KCNIP4: variants seen among roughly 807,000 people sequenced by gnomAD.
KCNIP4 encodes potassium voltage-gated channel interacting protein 4.
KCNIP4 carries 12 observed loss-of-function variants against 34.0 expected under a neutral mutation model. That is an observed-to-expected ratio of 0.35 (90% CI 0.23 to 0.57). The LOEUF (loss-of-function observed/expected upper bound fraction) is 0.57, where lower values mean the gene tolerates loss of function less well. Ranked by LOEUF, KCNIP4 falls within the 20% of genes least tolerant of loss-of-function variation. KCNIP4 has a pLI of 0.83. For synonymous variants in KCNIP4, 124 were observed against 102.2 expected, an observed-to-expected ratio of 1.21 and a Z score of -1.29; for missense variants, 238 against 311.7, an observed-to-expected ratio of 0.76 and a Z score of 1.78.
chr4:21,322,844 A>T (rs1714643596), intron 1 of KCNIP4, among the ~76,000 whole-genome samples: 2 of 152,268 alleles, frequency 1.3e-5, no homozygotes, highest in South Asian at 2.1e-4. Flanking sequence ...CACTTAAAAG[A>T]TAAGAGAAAT....
At chr4:21,274,430 A>G (rs1762322686) in intron 1 of KCNIP4, among the ~76,000 whole-genome samples, 2 of 152,202 alleles carry the variant, frequency 1.3e-5, no homozygotes, top group South Asian at 4.1e-4. Context: ...ACATTTAACA[A>G]ATTAATTTAG....
chr4:21,694,934 AAATAAATAAAT>A (rs796333579), intron 1 of KCNIP4, among the ~76,000 whole-genome samples: 7 of 108,038 alleles, frequency 6.5e-5, no homozygotes, highest in African/African-American at 2.6e-4. Flanking sequence ...AAAAAAATAA[AAATAAATAAAT>A]AAATAAAGGG....
chr4:20,763,274 A>G (rs1459476431), intron 3 of KCNIP4, among the ~76,000 whole-genome samples: 5 of 152,114 alleles, frequency 3.3e-5, no homozygotes, highest in Admixed American at 3.3e-4. Flanking sequence ...GCTTTTTTGG[A>G]TGAGGGATAG....
At chr4:21,234,317 TATAACA>T (rs1191101254) in intron 1 of KCNIP4, among the ~76,000 whole-genome samples, 2 of 109,768 alleles carry the variant, frequency 1.8e-5, no homozygotes, top group Non-Finnish European at 3.3e-5. Context: ...ATAACATATA[TATAACA>T]TATATAAATT....
chr4:20,949,685 A>G (rs868575901), intron 1 of KCNIP4, among the ~76,000 whole-genome samples: 2 of 152,184 alleles, frequency 1.3e-5, no homozygotes, highest in African/African-American at 2.4e-5. Context: ...GCCATAAAAA[A>G]TGATGAGTTC....
chr4:20,802,231 C>CTA (rs1714389336), intron 3 of KCNIP4, among the ~76,000 whole-genome samples: 6 of 140,558 alleles, frequency 4.3e-5, no homozygotes, highest in Admixed American at 1.4e-4. Flanking sequence ...TATACATATG[C>CTA]TACATATATG....
chr4:21,438,377 A>C (rs948625246), intron 1 of KCNIP4, among the ~76,000 whole-genome samples: 1 of 152,216 alleles, frequency 6.6e-6, no homozygotes, highest in African/African-American at 2.4e-5. Flanking sequence ...GATCTTTTTA[A>C]AACTTAAGCC....
intron 1 of KCNIP4, among the ~76,000 whole-genome samples, chr4:21,078,243 A>T (rs1014206174): frequency 3.3e-5 from 5 of 152,156 alleles, no homozygotes; most frequent in Non-Finnish European, 7.4e-5. Context: ...GTGATCCTTA[A>T]GTATCTAGTT....
In KCNIP4 at chr4:21,108,220, C is replaced by T. The variant is rs573058569; in HGVS notation, c.62-225511G>A. On this transcript the variant is annotated intron_variant, in intron 1 of 8. Transcript: ENST00000382152. ...TTTTCCAACTTGGTTCCATTCTCCCCGTCACTTTCAGGTACACCAATCAGA... is the reference window on the plus strand; with the variant it reads ...TTTTCCAACTTGGTTCCATTCTCCCTGTCACTTTCAGGTACACCAATCAGA... Among the ~76,000 whole-genome samples the T allele has an allele frequency of 1.3e-4, 19 of 149,850 alleles. 1 individual carries two copies. The highest frequency in any genetic ancestry group is 3.0e-4 in the African/African-American group (12 of 39,722).
chr4:21,008,025 G>A (rs1031418946), intron 1 of KCNIP4, among the ~76,000 whole-genome samples: 1 of 152,080 alleles, frequency 6.6e-6, no homozygotes, highest in Admixed American at 6.5e-5. Flanking sequence ...CCCCTGTCTG[G>A]GATGATTAAA....
At chr4:21,325,169 G>A (rs1176029026) in intron 1 of KCNIP4, among the ~76,000 whole-genome samples, 1 of 151,852 alleles carries the variant, frequency 6.6e-6, no homozygotes, top group Non-Finnish European at 1.5e-5. Context: ...AATAGTTTGA[G>A]TAGGACTGGT....
intron 1 of KCNIP4, among the ~76,000 whole-genome samples, chr4:21,257,214 T>C (rs1335554299): frequency 6.6e-6 from 1 of 151,978 alleles, no homozygotes; most frequent in Non-Finnish European, 1.5e-5. Context: ...AAAGCAAGAG[T>C]TCCACTTTTG....
chr4:21,842,016 T>C (rs1258021147), intron 1 of KCNIP4, among the ~76,000 whole-genome samples: 1 of 152,092 alleles, frequency 6.6e-6, no homozygotes, highest in African/African-American at 2.4e-5. Context: ...CCTCAGAAAT[T>C]GATGACAATC....
chr4:21,940,728 C>A (rs1730158131), intron 1 of KCNIP4, among the ~76,000 whole-genome samples: 1 of 152,170 alleles, frequency 6.6e-6, no homozygotes, highest in Admixed American at 6.5e-5. Flanking sequence ...TTCATATATT[C>A]TCGCCTTTCT....
intron 1 of KCNIP4, among the ~76,000 whole-genome samples, chr4:21,100,743 TG>T (rs1239302444): frequency 5.9e-5 from 9 of 152,274 alleles, no homozygotes; most frequent in Middle Eastern, 6.8e-3. Flanking sequence ...GTGTGTACAT[TG>T]TTTTTTTAGA....
intron 1 of KCNIP4, among the ~76,000 whole-genome samples, chr4:20,984,741 CG>C: frequency 6.6e-6 from 1 of 152,192 alleles, no homozygotes; most frequent in Non-Finnish European, 1.5e-5. Flanking sequence ...GAGCAGTACC[CG>C]GTAACAACTA....
At chr4:21,113,482 G>GAAAAAAAAAAAAAAAAAAAAAAA (rs1164913472) in intron 1 of KCNIP4, among the ~76,000 whole-genome samples, 8 of 109,434 alleles carry the variant, frequency 7.3e-5, no homozygotes, top group Non-Finnish European at 1.1e-4. Flanking sequence ...AAAAAAAAAG[G>GAAAAAAAAAAAAAAAAAAAAAAA]AAAGCTATAC....
chr4:20,935,560 C>T (rs1431609155), intron 1 of KCNIP4, among the ~76,000 whole-genome samples: 2 of 152,130 alleles, frequency 1.3e-5, no homozygotes, highest in Non-Finnish European at 2.9e-5. Context: ...TTTTCCACCC[C>T]AATTCTCTAC....
chr4:21,696,508 C>T (rs1412420840), intron 1 of KCNIP4, among the ~76,000 whole-genome samples: 21 of 152,026 alleles, frequency 1.4e-4, no homozygotes, highest in Admixed American at 1.4e-3. Flanking sequence ...TTCTTTATGA[C>T]CAGAATCAAA....
Sources: allele counts gnomAD v4.1 joint callset (sites outside exome capture counted in the v4.1 genomes callset), GRCh38; gene constraint gnomAD v4.1.1; transcripts MANE v1.5; gene names NCBI Gene and HGNC (gene_info 2026-07-23, HGNC 2026-07-21).